TBCEL: variants seen among roughly 807,000 people sequenced by gnomAD.
The protein encoded by TBCEL is tubulin folding cofactor E like, also known as tubulin-specific chaperone cofactor E-like protein.
TBCEL carries 15 observed loss-of-function variants against 44.2 expected under a neutral mutation model. The observed-to-expected ratio is 0.34, with a 90% confidence interval of 0.23 to 0.52. The LOEUF (loss-of-function observed/expected upper bound fraction) is 0.52, where lower values mean the gene tolerates loss of function less well. TBCEL is among the 20% of genes least tolerant of loss of function. The probability of loss-of-function intolerance (pLI) is 0.95; values close to 1 mark genes in which losing one functional copy is unlikely to be tolerated. For synonymous variants in TBCEL, 171 were observed against 185.4 expected (o/e 0.92, Z 0.63); for missense variants, 319 against 506.3 (o/e 0.63, Z 3.55).
chr11:121,076,852 A>G (rs1466063043), intron 8 of TBCEL, among the ~76,000 whole-genome samples: 3 of 151,980 alleles, frequency 2.0e-5, no homozygotes, highest in Non-Finnish European at 2.9e-5. Flanking sequence ...AGTTTGCTGG[A>G]GCTTTTCATG....
rs1945235040 is a variant in TBCEL at position 121,036,562 on chromosome 11, G to A, written c.-68G>A. 1 of 152,192 alleles carries A rather than the reference G, an allele frequency of 6.6e-6. No individual in the cohort carries two copies. The highest frequency in any genetic ancestry group is 2.4e-5 in the African/African-American group (1 of 41,448). 9.4% of individuals were successfully genotyped at this position (152,192 alleles called of 1,614,324 possible). On this transcript the variant is annotated 5_prime_UTR_variant, in exon 2 of 9. Transcript: ENST00000683345. ...GTTTAAACCAACATTTTTGGACGAG[G>A]AGAGGCTATGGAAATGAAGAAAGAA... is the stretch of plus-strand genomic sequence containing the variant.
chr11:121,055,464 G>C (rs1945602847), intron 6 of TBCEL, among the ~76,000 whole-genome samples, 156 bp downstream of exon 6: 1 of 151,892 alleles, frequency 6.6e-6, no homozygotes, highest in South Asian at 2.1e-4. Context: ...AAATTTAAGA[G>C]ATTCATTTTC....
chr11:121,086,202 C>A (rs904318285), intron 8 of TBCEL, among the ~76,000 whole-genome samples: 3 of 152,150 alleles, frequency 2.0e-5, no homozygotes, highest in African/African-American at 7.2e-5. Context: ...CCCTTACTTA[C>A]CACTTTTTTC....
intron 6 of TBCEL, chr11:121,057,653 T>A (rs1295787119): frequency 6.6e-6 from 3 of 453,066 alleles, no homozygotes; most frequent in African/African-American, 4.0e-5. Context: ...GACTTTTTTC[T>A]TGTCATTATT....
At chr11:121,028,964 C>G (rs1188696131) in intron 1 of TBCEL, among the ~76,000 whole-genome samples, 1 of 152,176 alleles carries the variant, frequency 6.6e-6, no homozygotes, top group African/African-American at 2.4e-5. Context: ...GACCTTAGCC[C>G]CTTACCATCT....
rs758631674 is a variant in TBCEL at position 121,055,114 on chromosome 11, G to A, written c.518G>A (p.Cys173Tyr). The A allele has an allele frequency of 6.2e-7, 1 of 1,604,432 alleles. No individual in the cohort carries two copies. Among genetic ancestry groups the A allele is most frequent in the Non-Finnish European group, 8.5e-7 (1 of 1,174,326 alleles). Reference protein sequence around the residue: ...YETVSCPSICCHSLKLLHITD... With the variant: ...YETVSCPSICYHSLKLLHITD... Reference sequence around the variant, plus strand: ...ACAGTGTCTTGTCCTTCTATTTGCTGTCATTCTCTTAAGCTACTACATATA... The same window carrying A: ...ACAGTGTCTTGTCCTTCTATTTGCTATCATTCTCTTAAGCTACTACATATA... The change falls in exon 6 of 9, where the codon TGT (cysteine) becomes TAT (tyrosine). Residue 173 changes from cysteine (C) to tyrosine (Y), a missense_variant. Physicochemically the swap from Cys to Tyr is radical, Grantham distance 194. Transcript: ENST00000683345.
intron 8 of TBCEL, among the ~76,000 whole-genome samples, chr11:121,083,078 G>A (rs911802524): frequency 6.6e-6 from 1 of 152,190 alleles, no homozygotes; most frequent in South Asian, 2.1e-4. Context: ...TGTGGGAAAT[G>A]TATTTTTCAG....
intron 1 of TBCEL, among the ~76,000 whole-genome samples, chr11:121,025,455 A>C (rs550244344): frequency 2.0e-5 from 3 of 152,284 alleles, no homozygotes; most frequent in Admixed American, 2.0e-4. Flanking sequence ...TTACATTCAG[A>C]TCTAGTACAT....
chr11:121,044,793 T>C (rs1226955320), intron 2 of TBCEL, among the ~76,000 whole-genome samples: 1 of 152,108 alleles, frequency 6.6e-6, no homozygotes, highest in Admixed American at 6.6e-5. Context: ...CCTTAGCTGA[T>C]GCTAAACAGA....
intron 1 of TBCEL, among the ~76,000 whole-genome samples, chr11:121,033,348 A>C (rs1004848973): frequency 2.0e-5 from 3 of 152,198 alleles, no homozygotes; most frequent in African/African-American, 7.2e-5. Flanking sequence ...TTGGAGGTTG[A>C]AATTTAAATA....
chr11:121,037,118 ATG>A (rs1333663226), intron 2 of TBCEL, among the ~76,000 whole-genome samples: 1 of 152,160 alleles, frequency 6.6e-6, no homozygotes, highest in Non-Finnish European at 1.5e-5. Flanking sequence ...AGAAAGGTTG[ATG>A]TGCCACATTA....
At chr11:121,041,545 C>T (rs2134907920) in intron 2 of TBCEL, among the ~76,000 whole-genome samples, 1 of 152,214 alleles carries the variant, frequency 6.6e-6, no homozygotes, top group Middle Eastern at 3.4e-3. Flanking sequence ...TTTACAAATG[C>T]ATTAGAACTC....
intron 2 of TBCEL, among the ~76,000 whole-genome samples, chr11:121,042,558 T>C (rs1429057705): frequency 2.0e-5 from 3 of 152,186 alleles, no homozygotes; most frequent in Admixed American, 6.6e-5. Context: ...CAAACTCTTA[T>C]CTTTTAGCTT....
intron 8 of TBCEL, among the ~76,000 whole-genome samples, chr11:121,072,416 C>A (rs904051809): frequency 5.3e-5 from 8 of 152,028 alleles, no homozygotes; most frequent in Non-Finnish European, 1.2e-4. Flanking sequence ...CTGTTCAGAA[C>A]TGATGATAGT....
intron 5 of TBCEL, 58 bp downstream of exon 5, chr11:121,053,790 G>A: frequency 6.5e-7 from 1 of 1,534,872 alleles, no homozygotes; most frequent in Non-Finnish European, 8.9e-7. Flanking sequence ...TTAGTACATA[G>A]GAGTACTGCT....
rs556998901 is a variant in TBCEL, at chr11:121,059,984, C to G, written c.855C>G (p.Ser285=). 3 of 1,609,546 alleles carry G rather than the reference C, an allele frequency of 1.9e-6. No homozygotes were observed. In the East Asian group the frequency reaches 6.7e-5, roughly 36 times the overall value. ...TAACTTATAGATTGCCATCAGTTTC[C>G]AAACTTAATGGCAGCGTTGTTACTG... ...KLVIARLPSV[S]KLNGSVVTDG... is the part of the protein sequence containing the mutation. Residue 285 remains serine (S), a synonymous_variant, in exon 8 of 9, where the codon TCC becomes TCG. Coordinates refer to ENST00000683345, the MANE Select transcript of TBCEL (RefSeq NM_001363644.2).
At chr11:121,027,451 G>A (rs1332486923) in intron 1 of TBCEL, among the ~76,000 whole-genome samples, 12 of 152,084 alleles carry the variant, frequency 7.9e-5, no homozygotes, top group African/African-American at 2.7e-4. Flanking sequence ...AAAACCATTA[G>A]CTGCTTTCCA....
At chr11:121,029,072 C>G (rs1227692929) in intron 1 of TBCEL, among the ~76,000 whole-genome samples, 2 of 152,142 alleles carry the variant, frequency 1.3e-5, no homozygotes, top group Non-Finnish European at 2.9e-5. Context: ...GCATTTCTCA[C>G]TCATTTGTGT....
chr11:121,055,436 A>G (rs1945601928), intron 6 of TBCEL, 128 bp downstream of exon 6: 2 of 963,010 alleles, frequency 2.1e-6, no homozygotes, highest in East Asian at 5.8e-5. Context: ...TATGACATGC[A>G]GATGCCTATG....
Sources: allele counts gnomAD v4.1 joint callset (sites outside exome capture counted in the v4.1 genomes callset), GRCh38; gene constraint gnomAD v4.1.1; transcripts MANE v1.5; gene names NCBI Gene and HGNC (gene_info 2026-07-23, HGNC 2026-07-21).